FGF13: variants seen among roughly 807,000 people sequenced by gnomAD.
FGF13 encodes fibroblast growth factor homologous factor 2.
A neutral mutation model predicts 19.5 loss-of-function variants in FGF13; 2 were observed. The ratio of observed to expected loss-of-function variants is 0.10; its 90% CI spans 0.04 to 0.32. The LOEUF is 0.32. FGF13 is among the 10% of genes least tolerant of loss of function. The pLI, the probability that FGF13 is intolerant of heterozygous loss-of-function variation, is 1.00. For missense variants in FGF13, 113 were observed against 192.7 expected, an observed-to-expected ratio of 0.59 and a Z score of 2.45; for synonymous variants, 72 against 76.9, an observed-to-expected ratio of 0.94 and a Z score of 0.33.
At chrX:139,100,109 G>A (rs2083500743) in intron 1 of FGF13, among the ~76,000 whole-genome samples, 1 of 103,197 alleles carries the variant, frequency 9.7e-6, no homozygotes, top group South Asian at 4.5e-4. Flanking sequence ...TTCAGTAACC[G>A]CCAGGGAGGC....
intron 1 of FGF13, among the ~76,000 whole-genome samples, chrX:138,940,843 A>G (rs1385040093): frequency 9.0e-6 from 1 of 111,457 alleles, no homozygotes; most frequent in Admixed American, 9.6e-5. Flanking sequence ...GCCTTGTAGT[A>G]TAAAGTCGGG....
intron 1 of FGF13, among the ~76,000 whole-genome samples, chrX:139,096,845 C>G (rs1050313576): frequency 2.7e-5 from 3 of 111,548 alleles, no homozygotes; most frequent in Non-Finnish European, 5.7e-5. Flanking sequence ...TTCTTATAAG[C>G]ACTAAATTTT....
intron 1 of FGF13, among the ~76,000 whole-genome samples, chrX:138,970,651 G>A (rs2091911996): frequency 9.0e-6 from 1 of 111,203 alleles, no homozygotes; most frequent in Admixed American, 9.6e-5. Context: ...GGGGACCCAC[G>A]ATATTTGCTA....
intron 3 of FGF13, among the ~76,000 whole-genome samples, chrX:138,778,978 C>T (rs1056809112): frequency 1.8e-5 from 2 of 112,408 alleles, no homozygotes; most frequent in African/African-American, 6.5e-5. Flanking sequence ...TGAGAACAGG[C>T]AGACTGCCTC....
At chrX:138,717,859 C>T (rs763519301) in intron 1 of FGF13, among the ~76,000 whole-genome samples, 1 of 111,476 alleles carries the variant, frequency 9.0e-6, no homozygotes, top group South Asian at 3.9e-4. Flanking sequence ...GTGATCCTCC[C>T]GCCTTGGCCT....
At chrX:138,771,906 G>A (rs1050620773) in intron 3 of FGF13, among the ~76,000 whole-genome samples, 5 of 107,374 alleles carry the variant, frequency 4.7e-5, no homozygotes, top group Non-Finnish European at 7.7e-5. Flanking sequence ...CTTTAAGAGA[G>A]CATATAAATT....
At chrX:139,037,295 G>GA (rs1276706410) in intron 1 of FGF13, among the ~76,000 whole-genome samples, 1 of 111,022 alleles carries the variant, frequency 9.0e-6, no homozygotes, top group Non-Finnish European at 1.9e-5. Context: ...ATATACTAAA[G>GA]AAAATAATTC....
At chrX:139,017,771 C>G (rs2092160541) in intron 1 of FGF13, among the ~76,000 whole-genome samples, 1 of 111,214 alleles carries the variant, frequency 9.0e-6, no homozygotes, top group Non-Finnish European at 1.9e-5. Context: ...TAAGTAGGAG[C>G]AACTTCTTAC....
intron 3 of FGF13, among the ~76,000 whole-genome samples, chrX:138,761,568 C>T (rs1438652740): frequency 9.0e-6 from 1 of 111,491 alleles, no homozygotes; most frequent in Non-Finnish European, 1.9e-5. Context: ...TGCACTTCCT[C>T]ATGATGTCTG....
At chrX:138,894,501 C>T (rs1315274977) in intron 1 of FGF13, among the ~76,000 whole-genome samples, 1 of 111,284 alleles carries the variant, frequency 9.0e-6, no homozygotes, top group Non-Finnish European at 1.9e-5. Flanking sequence ...CACAGAAATA[C>T]AAACTATGAT....
At chrX:138,699,558 C>T (rs1443243213) in intron 3 of FGF13, among the ~76,000 whole-genome samples, 6 of 111,126 alleles carry the variant, frequency 5.4e-5, no homozygotes, top group Non-Finnish European at 9.4e-5. Context: ...GCTTCTGTTC[C>T]CAATATTCCA....
At chrX:138,937,504 G>A (rs1432616417) in intron 1 of FGF13, among the ~76,000 whole-genome samples, 1 of 111,893 alleles carries the variant, frequency 8.9e-6, no homozygotes, top group Non-Finnish European at 1.9e-5. Flanking sequence ...TCTAGTGTGT[G>A]GCATAGCACC....
chrX:139,172,154 G>A (rs1019655625), intron 1 of FGF13, among the ~76,000 whole-genome samples: 23 of 111,693 alleles, frequency 2.1e-4, no homozygotes, highest in African/African-American at 3.9e-4. Context: ...TAAATTCCCC[G>A]CTGCTCCATA....
intron 3 of FGF13, among the ~76,000 whole-genome samples, chrX:138,844,326 G>A (rs2091168026): frequency 2.7e-5 from 3 of 111,985 alleles, no homozygotes; most frequent in Admixed American, 9.5e-5. Context: ...GAATAAATTG[G>A]TCTTGCCAAA....
chrX:139,131,594 G>A (rs1328165618), intron 1 of FGF13, among the ~76,000 whole-genome samples: 1 of 110,911 alleles, frequency 9.0e-6, no homozygotes, highest in South Asian at 3.8e-4. Flanking sequence ...AAAATTAGCT[G>A]AGCATGGTGG....
chrX:138,739,868 T>G (rs1207609065), upstream of FGF13, among the ~76,000 whole-genome samples: 1 of 112,282 alleles, frequency 8.9e-6, no homozygotes, highest in Non-Finnish European at 1.9e-5. Context: ...TACCAGAACT[T>G]TTAGTTCTGT....
intron 1 of FGF13, among the ~76,000 whole-genome samples, chrX:138,978,633 T>G (rs2091950973): frequency 8.9e-6 from 1 of 112,521 alleles, no homozygotes; most frequent in Non-Finnish European, 1.9e-5. Flanking sequence ...TAACATTTAC[T>G]GAAGACTTAT....
rs567781862 is a variant in FGF13, at chrX:138,969,322, G to A, written c.-112-104672C>T. The stretch of plus-strand genomic sequence containing the variant: ...GAACTGAGGTAGTGGCAGTGGGGAT[G>A]GGGATACATTTATGGAGCAAACTCA... On this transcript the variant is annotated intron_variant, in intron 1 of 2. Coordinates refer to the FGF13 transcript ENST00000421460. Among the ~76,000 whole-genome samples, 59 of 111,417 alleles carry A rather than the reference G, an allele frequency of 5.3e-4. No individual in the cohort carries two copies. The South Asian group carries it at 8.8e-3, about 17-fold the overall frequency.
chrX:138,683,476 T>C (rs2089750041), intron 3 of FGF13, among the ~76,000 whole-genome samples: 1 of 110,196 alleles, frequency 9.1e-6, no homozygotes, highest in Admixed American at 9.8e-5. Flanking sequence ...TCTCTTCTCT[T>C]GTTGTATAGG....
Sources: allele counts gnomAD v4.1 joint callset (sites outside exome capture counted in the v4.1 genomes callset), GRCh38; gene constraint gnomAD v4.1.1; transcripts MANE v1.5; gene names NCBI Gene and HGNC (gene_info 2026-07-23, HGNC 2026-07-21).